Variants in CA6 observed in about 807,000 individuals in gnomAD.
The protein encoded by CA6 is carbonic anhydrase 6, also known as carbonate dehydratase VI.
A neutral mutation model predicts 35.9 loss-of-function variants in CA6; 28 were observed. The ratio of observed to expected loss-of-function variants is 0.78; its 90% CI spans 0.58 to 1.07. The LOEUF (loss-of-function observed/expected upper bound fraction) is 1.07. CA6 is among the 50% of genes least tolerant of loss of function. The pLI is 0.00. For missense variants in CA6, 377 were observed against 382.0 expected, an observed-to-expected ratio of 0.99 and a Z score of 0.11; for synonymous variants, 148 against 152.6, an observed-to-expected ratio of 0.97 and a Z score of 0.22.
rs3737665 is a variant in CA6, at chr1:8,970,905, C to T, written c.768C>T (p.Asn256=). 358,581 of 1,612,046 alleles carry T rather than the reference C, an allele frequency of 0.22. 43,659 individuals carry two copies. The highest frequency in any genetic ancestry group is 0.51 in the East Asian group (22,893 of 44,840). Reference sequence around the variant, plus strand: ...AGAATTCCTTACTGGATCACCGCAACAAGACCATCCACAACGATTACCGCA... The same window carrying T: ...AGAATTCCTTACTGGATCACCGCAATAAGACCATCCACAACGATTACCGCA... The part of the protein sequence containing the change: ...KLENSLLDHR[N]KTIHNDYRRT... Residue 256 remains asparagine (N), a synonymous_variant, in exon 7 of 8, where the codon AAC becomes AAT. Transcript: ENST00000377443.
chr1:8,945,960 A>T lies in CA6; in HGVS notation c.74A>T (p.Tyr25Phe). 6.2e-7 allele frequency: 1 copy of T among 1,610,634 alleles called. No homozygotes were observed. Among genetic ancestry groups the T allele is most frequent in the Non-Finnish European group, 8.5e-7 (1 of 1,177,474 alleles). ...GQAQHVSDWT[Y>F]SEGALDEAHW... ...GCCCAGCATGTGTCTGACTGGACCT[A>T]CTCAGGTGAGCCCCTAGCTTCTGCA... The change falls in exon 1 of 8, where the codon TAC becomes TTC. Residue 25 changes from tyrosine (Y) to phenylalanine (F), a missense_variant. Transcript: ENST00000377443.
At chr1:8,969,591 A>C (rs779776994) in intron 6 of CA6, among the ~76,000 whole-genome samples, 2 of 152,146 alleles carry the variant, frequency 1.3e-5, no homozygotes, top group Non-Finnish European at 2.9e-5. Flanking sequence ...ATACCAAGTC[A>C]TATATTCAAG....
At position 8,972,604 on chromosome 1, in the gene CA6, A is replaced by AC. The variant is rs530509979; in HGVS notation, c.844+1626dup. Reference sequence around the variant, plus strand: ...GGGGAGGCTGAGTAGCTGGGCATGAACCCGGGAGGCGGAGCTTGCAGTGAG... The same window carrying AC: ...GGGGAGGCTGAGTAGCTGGGCATGAACCCCGGGAGGCGGAGCTTGCAGTGAG... On this transcript the variant is annotated intron_variant, in intron 7 of 7. Transcript: ENST00000377443. Among the ~76,000 whole-genome samples, 1,098 of 152,056 alleles carry AC rather than the reference A, an allele frequency of 7.2e-3. 4 individuals are homozygous for AC. The highest frequency in any genetic ancestry group is 0.013 in the Non-Finnish European group (853 of 67,988).
intron 1 of CA6, among the ~76,000 whole-genome samples, chr1:8,946,947 G>T (rs181733304): frequency 2.2e-3 from 331 of 151,866 alleles, no homozygotes; most frequent in African/African-American, 6.9e-3. Context: ...GGGATTACAG[G>T]CACTCATCAC....
At chr1:8,966,929 G>A (rs1639982016) in intron 5 of CA6, among the ~76,000 whole-genome samples, 1 of 151,956 alleles carries the variant, frequency 6.6e-6, no homozygotes, top group Admixed American at 6.6e-5. Flanking sequence ...AGGACCAAAT[G>A]CCTGTACCTG....
chr1:8,961,136 T>C (rs1007329980), intron 4 of CA6, among the ~76,000 whole-genome samples: 4 of 151,244 alleles, frequency 2.6e-5, no homozygotes, highest in African/African-American at 9.8e-5. Context: ...AAACAACACA[T>C]TCCCAGATAT....
intron 4 of CA6, among the ~76,000 whole-genome samples, chr1:8,960,494 GA>G (rs1449353412): frequency 6.6e-6 from 1 of 151,622 alleles, no homozygotes; most frequent in Non-Finnish European, 1.5e-5. Flanking sequence ...CTCAAAAAAG[GA>G]ATCTCAATGG....
At chr1:8,948,197 C>G (rs1041642735) in intron 1 of CA6, among the ~76,000 whole-genome samples, 1 of 152,048 alleles carries the variant, frequency 6.6e-6, no homozygotes, top group African/African-American at 2.4e-5. Flanking sequence ...CAGCTACCCC[C>G]GAACAGGGAA....
At chr1:8,973,368 A>G (rs1640157489) in intron 7 of CA6, among the ~76,000 whole-genome samples, 1 of 152,098 alleles carries the variant, frequency 6.6e-6, no homozygotes, top group Non-Finnish European at 1.5e-5. Context: ...TCCCTAAAAC[A>G]ATTTTACGCT....
intron 7 of CA6, among the ~76,000 whole-genome samples, chr1:8,973,710 C>CTTTCTT (rs1553164135): frequency 9.4e-6 from 1 of 106,426 alleles, no homozygotes; most frequent in African/African-American, 3.8e-5. Context: ...TTCTTTCTCT[C>CTTTCTT]TCTTTCTTTC....
At chr1:8,956,859 G>A (rs1639698414) in intron 2 of CA6, among the ~76,000 whole-genome samples, 1 of 152,174 alleles carries the variant, frequency 6.6e-6, no homozygotes, top group Non-Finnish European at 1.5e-5. Context: ...CCTGCCTCTG[G>A]CCTGTTGGTT....
At chr1:8,974,139 A>G (rs1269335784) in intron 7 of CA6, among the ~76,000 whole-genome samples, 3 of 151,990 alleles carry the variant, frequency 2.0e-5, no homozygotes, top group Non-Finnish European at 4.4e-5. Flanking sequence ...CCAGATTTCT[A>G]TGTAGCAGTG....
At chr1:8,947,464 C>T (rs896386165) in intron 1 of CA6, among the ~76,000 whole-genome samples, 1 of 152,084 alleles carries the variant, frequency 6.6e-6, no homozygotes. Flanking sequence ...TCAGAAAGTC[C>T]AGCCAGCTCT....
chr1:8,957,073 AGCCTGTAG>A, intron 2 of CA6, 56 bp from the exon 3 acceptor site: 1 of 1,448,448 alleles, frequency 6.9e-7, no homozygotes, highest in Non-Finnish European at 9.3e-7. Flanking sequence ...GAAGCTACCC[AGCCTGTAG>A]GCCTGACCCC....
At chr1:8,947,628 G>C (rs1489671130) in intron 1 of CA6, among the ~76,000 whole-genome samples, 1 of 152,114 alleles carries the variant, frequency 6.6e-6, no homozygotes, top group African/African-American at 2.4e-5. Context: ...GTCCTTCCCA[G>C]GCTCTGCCCA....
At chr1:8,957,374 T>C in intron 3 of CA6, 89 bp downstream of exon 3, 1 of 1,328,882 alleles carries the variant, frequency 7.5e-7, no homozygotes. Flanking sequence ...AGAGTCTCGC[T>C]CTGTTGCCCC....
At chr1:8,971,050 C>A in intron 7 of CA6, 69 bp downstream of exon 7, 2 of 1,014,064 alleles carry the variant, frequency 2.0e-6, no homozygotes, top group African/African-American at 1.6e-5. Flanking sequence ...TCTAGGTGGA[C>A]CCATCTCTTC....
At chr1:8,948,707 C>T (rs535989243) in intron 1 of CA6, among the ~76,000 whole-genome samples, 5 of 152,202 alleles carry the variant, frequency 3.3e-5, no homozygotes, top group South Asian at 2.1e-4. Context: ...CGGTGGCTCA[C>T]GCCTGTAATC....
chr1:8,968,745 G>T (rs1187540010), intron 6 of CA6, among the ~76,000 whole-genome samples: 1 of 152,204 alleles, frequency 6.6e-6, no homozygotes. Context: ...GCCAGTTGTG[G>T]TGTCTCATGC....
Sources: allele counts gnomAD v4.1 joint callset (sites outside exome capture counted in the v4.1 genomes callset), GRCh38; gene constraint gnomAD v4.1.1; transcripts MANE v1.5; gene names NCBI Gene and HGNC (gene_info 2026-07-23, HGNC 2026-07-21).